STAB2: variants seen among roughly 807,000 people sequenced by gnomAD.
The protein encoded by STAB2 is stabilin 2, also known as stabilin-2.
STAB2 carries 288 observed loss-of-function variants against 338.1 expected under a neutral mutation model. The ratio of observed to expected loss-of-function variants is 0.85; its 90% CI spans 0.77 to 0.94. The LOEUF (loss-of-function observed/expected upper bound fraction) is 0.94, where lower values mean the gene tolerates loss of function less well. STAB2 is among the 40% of genes least tolerant of loss of function. The pLI is 0.00. For synonymous variants in STAB2, 1,202 were observed against 1,193.3 expected (o/e 1.01, Z -0.15); for missense variants, 3,141 against 3,210.1 (o/e 0.98, Z 0.52).
intron 60 of STAB2, among the ~76,000 whole-genome samples, chr12:103,751,690 C>T (rs1455988787): frequency 6.6e-6 from 1 of 152,156 alleles, no homozygotes; most frequent in African/African-American, 2.4e-5. Context: ...AAGAGCTTGG[C>T]TTTTTCTTTA....
At chr12:103,677,046 C>T (rs1003190805) in intron 24 of STAB2, among the ~76,000 whole-genome samples, 1 of 152,156 alleles carries the variant, frequency 6.6e-6, no homozygotes, top group Non-Finnish European at 1.5e-5. Context: ...CTGAGAGGCC[C>T]GGGAGCTAGT....
intron 3 of STAB2, among the ~76,000 whole-genome samples, chr12:103,612,534 C>T (rs901949549): frequency 1.2e-4 from 19 of 152,304 alleles, no homozygotes; most frequent in African/African-American, 2.4e-4. Context: ...TTTTCAGCTC[C>T]GTCAGGTCCT....
chr12:103,617,853 G>T (rs1957234518), intron 3 of STAB2, among the ~76,000 whole-genome samples: 1 of 152,176 alleles, frequency 6.6e-6, no homozygotes, highest in Non-Finnish European at 1.5e-5. Context: ...CAGGTTTTGA[G>T]CCTGGCTCTG....
chr12:103,704,578 C>T lies in STAB2; in HGVS notation c.3864C>T (p.Ser1288=). Residue 1288 remains serine (S), a synonymous_variant, in exon 36 of 69, where the codon TCC becomes TCT. Coordinates refer to ENST00000388887, the MANE Select transcript of STAB2 (RefSeq NM_017564.10). The part of the protein sequence containing the change: ...TIIRGRCRTC[S]SELTCPFGTK... ...CCAAGGGAAGATGTAGGACATGCTC[C>T]TCAGAGCTGACCTGCCCATTCGGAA... 1 of 1,613,742 alleles carries T rather than the reference C, an allele frequency of 6.2e-7. No individual in the cohort carries two copies. Among genetic ancestry groups the T allele is most frequent in the Non-Finnish European group, 8.5e-7 (1 of 1,179,886 alleles).
At position 103,668,662 on chromosome 12, in the gene STAB2, G is replaced by T; in HGVS notation, c.2105G>T (p.Cys702Phe). The change falls in exon 20 of 69, where the codon TGT becomes TTT. Residue 702 changes from cysteine to phenylalanine, a missense_variant. Coordinates refer to ENST00000388887, the MANE Select transcript of STAB2 (RefSeq NM_017564.10). ...CTCCAGGCACTCTTCACACACAGAT[G>T]TGTCTACAGTGGCAGGTTTGGGAGC... ...SEPTALFTHRCVYSGRFGSLK... is the reference protein window; with the variant it reads ...SEPTALFTHRFVYSGRFGSLK... 1 of 1,552,076 alleles carries T rather than the reference G, an allele frequency of 6.4e-7. No homozygotes were observed. The highest frequency in any genetic ancestry group is 8.7e-7 in the Non-Finnish European group (1 of 1,147,190).
intron 27 of STAB2, among the ~76,000 whole-genome samples, chr12:103,686,389 C>A (rs572273667): frequency 9.2e-5 from 14 of 152,316 alleles, no homozygotes; most frequent in Admixed American, 7.2e-4. Context: ...TAGCTACAGA[C>A]CCTGGTTTCC....
At chr12:103,725,172 T>G (rs974065632) in intron 45 of STAB2, 78 bp downstream of exon 45, 6 of 1,556,922 alleles carry the variant, frequency 3.9e-6, no homozygotes, top group Non-Finnish European at 5.2e-6. Context: ...AAGGAGTATT[T>G]AAGAGCTTGG....
intron 3 of STAB2, among the ~76,000 whole-genome samples, chr12:103,610,385 A>G (rs139108435): frequency 0.039 from 5,914 of 152,152 alleles, 376 homozygotes; most frequent in African/African-American, 0.13. Context: ...GGTCTATTCA[A>G]AGATTCAACT....
intron 25 of STAB2, among the ~76,000 whole-genome samples, chr12:103,681,183 C>T (rs1349671941): frequency 6.6e-6 from 1 of 152,154 alleles, no homozygotes; most frequent in Non-Finnish European, 1.5e-5. Flanking sequence ...AAATGTGGCT[C>T]CAGGAGTCTT....
At chr12:103,686,358 A>C (rs893595087) in intron 27 of STAB2, among the ~76,000 whole-genome samples, 4 of 152,174 alleles carry the variant, frequency 2.6e-5, no homozygotes, top group Non-Finnish European at 5.9e-5. Context: ...TGGCACATAA[A>C]TCACAACATT....
chr12:103,604,142 T>C (rs1306818595), intron 3 of STAB2, among the ~76,000 whole-genome samples: 2 of 152,196 alleles, frequency 1.3e-5, no homozygotes, highest in Non-Finnish European at 2.9e-5. Flanking sequence ...ACAATAATGT[T>C]GTCTGTGAAT....
chr12:103,735,628 A>G, intron 52 of STAB2, 48 bp downstream of exon 52: 1 of 1,304,366 alleles, frequency 7.7e-7, no homozygotes, highest in South Asian at 1.4e-5. Flanking sequence ...ACACATTCAC[A>G]GCAAGCTATT....
In STAB2 at chr12:103,691,554, G is replaced by T. The variant is rs1026737226; in HGVS notation, c.3297+1016G>T. Among the ~76,000 whole-genome samples the T allele has an allele frequency of 2.0e-5, 3 of 152,306 alleles. 1 individual carries two copies. The highest frequency in any genetic ancestry group is 1.5e-5 in the Non-Finnish European group (1 of 68,026). On this transcript the variant is annotated intron_variant, in intron 30 of 68. Coordinates refer to ENST00000388887, the MANE Select transcript of STAB2 (RefSeq NM_017564.10). ...TTGATATACAAATACATTGTAAGGT[G>T]ATTCCTACAGTCATGCTAATTTATT...
At chr12:103,758,817 G>T (rs148748306) in intron 64 of STAB2, among the ~76,000 whole-genome samples, 2 of 152,204 alleles carry the variant, frequency 1.3e-5, no homozygotes, top group East Asian at 1.9e-4. Context: ...ACAGGTGGCT[G>T]ACCTGAGGCT....
intron 12 of STAB2, among the ~76,000 whole-genome samples, chr12:103,653,633 T>TGGAG (rs750332887): frequency 6.7e-6 from 1 of 148,372 alleles, no homozygotes; most frequent in African/African-American, 2.5e-5. Context: ...GATGGATGGA[T>TGGAG]GGATGGATAC....
chr12:103,704,719 C>T (rs1879188359), intron 36 of STAB2, 105 bp downstream of exon 36: 3 of 964,758 alleles, frequency 3.1e-6, no homozygotes, highest in Non-Finnish European at 1.6e-6. Context: ...CATTCCTTCA[C>T]TTAATTTGAA....
chr12:103,733,079 C>T lies in STAB2; in HGVS notation c.5357C>T (p.Ala1786Val), dbSNP rs776129992. The change falls in exon 51 of 69, where the codon GCC becomes GTC. Residue 1786 changes from alanine (A) to valine (V), a missense_variant. Physicochemically the swap from Ala to Val is moderately conservative, Grantham distance 64. Coordinates refer to ENST00000388887, the MANE Select transcript of STAB2 (RefSeq NM_017564.10). ...PVTLFWPTDQ[A>V]LHALPAEQQD... The stretch of plus-strand genomic sequence containing the variant: ...ACTCTCTTCTGGCCCACCGACCAAG[C>T]CCTCCATGCCCTACCTGCTGAACAA... The T allele has an allele frequency of 6.2e-7, 1 of 1,614,162 alleles. No homozygotes were observed. The highest frequency in any genetic ancestry group is 8.5e-7 in the Non-Finnish European group (1 of 1,180,020).
intron 2 of STAB2, among the ~76,000 whole-genome samples, chr12:103,593,361 A>G (rs1956828387): frequency 6.6e-6 from 1 of 152,084 alleles, no homozygotes; most frequent in South Asian, 2.1e-4. Flanking sequence ...TATAATAACC[A>G]TCGTAATAGT....
At chr12:103,760,348 C>G (rs922230898) in intron 65 of STAB2, among the ~76,000 whole-genome samples, 1 of 152,180 alleles carries the variant, frequency 6.6e-6, no homozygotes, top group African/African-American at 2.4e-5. Context: ...GCAACCTCCC[C>G]CTCCTGGATT....
Sources: allele counts gnomAD v4.1 joint callset (sites outside exome capture counted in the v4.1 genomes callset), GRCh38; gene constraint gnomAD v4.1.1; transcripts MANE v1.5; gene names NCBI Gene and HGNC (gene_info 2026-07-23, HGNC 2026-07-21).